Variants in NEURL1 observed in about 807,000 individuals in gnomAD.
NEURL1 encodes E3 ubiquitin-protein ligase NEURL1.
Under a neutral mutation model 41.2 loss-of-function variants are expected in NEURL1, and 26 were observed. The observed-to-expected ratio is 0.63, with a 90% CI of 0.46 to 0.87. The LOEUF (loss-of-function observed/expected upper bound fraction) is 0.87. NEURL1 is among the 40% of genes least tolerant of loss of function. The pLI is 0.00. For synonymous variants in NEURL1, 400 were observed against 402.3 expected, an observed-to-expected ratio of 0.99 and a Z score of 0.07; for missense variants, 761 against 871.1, an observed-to-expected ratio of 0.87 and a Z score of 1.59.
At chr10:103,516,182 T>C (rs916676634) in intron 1 of NEURL1, among the ~76,000 whole-genome samples, 6 of 134,790 alleles carry the variant, frequency 4.5e-5, no homozygotes, top group African/African-American at 1.7e-4. Flanking sequence ...GAGCTGAGAC[T>C]GCACGACTGC....
intron 1 of NEURL1, chr10:103,550,964 A>T (rs958093648): frequency 2.0e-5 from 3 of 152,258 alleles, no homozygotes; most frequent in African/African-American, 7.2e-5. Context: ...TAGCATTTAT[A>T]GCTTCTGCTA....
chr10:103,538,356 A>C (rs1220976842), intron 1 of NEURL1, among the ~76,000 whole-genome samples: 1 of 152,166 alleles, frequency 6.6e-6, no homozygotes, highest in Non-Finnish European at 1.5e-5. Context: ...GGATCACCTG[A>C]GGTCAGGAGT....
At chr10:103,537,318 C>A (rs1332380060) in intron 1 of NEURL1, among the ~76,000 whole-genome samples, 1 of 152,158 alleles carries the variant, frequency 6.6e-6, no homozygotes, top group African/African-American at 2.4e-5. Context: ...TATGGTAATT[C>A]TATTTTTAAT....
chr10:103,571,756 C>A lies in NEURL1; in HGVS notation c.583C>A (p.Arg195Ser), dbSNP rs144450414. Reference protein sequence around the residue: ...SAVMLFFSGVRTADPLWALVD... With the variant: ...SAVMLFFSGVSTADPLWALVD... ...TGTTATGCTGTTCTTCAGCGGGGTC[C>A]GCACGGCCGACCCGCTCTGGGCCCT... Residue 195 changes from arginine to serine, a missense_variant, in exon 3 of 6, where the codon CGC becomes AGC. Physicochemically the swap from Arg to Ser is moderately radical, Grantham distance 110. Coordinates refer to ENST00000369780, the MANE Select transcript of NEURL1 (RefSeq NM_004210.5). The A allele has an allele frequency of 1.2e-6, 2 of 1,614,092 alleles. No homozygotes were observed. Among genetic ancestry groups the A allele is most frequent in the African/African-American group, 2.7e-5 (2 of 75,068 alleles).
chr10:103,518,921 A>G (rs1026923831), intron 1 of NEURL1, among the ~76,000 whole-genome samples: 3 of 152,158 alleles, frequency 2.0e-5, no homozygotes, highest in Non-Finnish European at 4.4e-5. Context: ...ATATTTATTT[A>G]TTTTTAACAA....
At chr10:103,528,745 C>T (rs1046138442) in intron 1 of NEURL1, among the ~76,000 whole-genome samples, 3 of 152,084 alleles carry the variant, frequency 2.0e-5, no homozygotes, top group African/African-American at 7.2e-5. Context: ...GCATTCCAAC[C>T]AAACTAAATG....
At position 103,571,810 on chromosome 10, in the gene NEURL1, G is replaced by A. The variant is rs377333331; in HGVS notation, c.637G>A (p.Val213Ile). 65 of 1,602,794 alleles carry A rather than the reference G, an allele frequency of 4.1e-5. No homozygotes were observed. Among genetic ancestry groups the A allele is most frequent in the Non-Finnish European group, 5.1e-5 (60 of 1,174,474 alleles). The change falls in exon 3 of 6, where the codon GTC becomes ATC. Residue 213 changes from valine (V) to isoleucine (I), a missense_variant. Val to Ile is a conservative substitution (Grantham distance 29). Around this residue, in one of 5 missense-constraint regions of NEURL1, gnomAD observed 114 missense variants for 144.8 expected, o/e 0.79. Transcript: ENST00000369780. ...LVDVYGLTRG[V>I]QLLDSELVLP... ...GGACGTCTACGGCCTCACGCGGGGC[G>A]TCCAGCTGCTTGGTGAGTGCCTGCC...
At chr10:103,546,971 G>A (rs1171608666) in intron 1 of NEURL1, among the ~76,000 whole-genome samples, 1 of 152,194 alleles carries the variant, frequency 6.6e-6, no homozygotes, top group East Asian at 1.9e-4. Context: ...TGTAAGGAAG[G>A]GTAAGGTCAG....
intron 4 of NEURL1, chr10:103,588,942 G>GAAAAA: frequency 7.8e-5 from 25 of 319,048 alleles, no homozygotes; most frequent in Middle Eastern, 1.2e-3. Flanking sequence ...GACTCCGTCT[G>GAAAAA]AAAAAAAAAA....
At chr10:103,562,637 T>C (rs912454067) in intron 1 of NEURL1, among the ~76,000 whole-genome samples, 1 of 152,128 alleles carries the variant, frequency 6.6e-6, no homozygotes, top group Non-Finnish European at 1.5e-5. Context: ...GGCTTAATCT[T>C]GTGTAAGAAC....
intron 1 of NEURL1, among the ~76,000 whole-genome samples, chr10:103,533,424 G>C (rs1220935489): frequency 5.4e-5 from 8 of 148,826 alleles, no homozygotes. Flanking sequence ...GGCTGGAGTG[G>C]AATGGCGTGA....
At chr10:103,542,936 G>A (rs560483600) in intron 1 of NEURL1, among the ~76,000 whole-genome samples, 1 of 152,146 alleles carries the variant, frequency 6.6e-6, no homozygotes, top group African/African-American at 2.4e-5. Flanking sequence ...TTTCTCTTGA[G>A]CACAGCTTCC....
At chr10:103,533,293 T>C (rs2034612696) in intron 1 of NEURL1, among the ~76,000 whole-genome samples, 1 of 152,176 alleles carries the variant, frequency 6.6e-6, no homozygotes, top group South Asian at 2.1e-4. Flanking sequence ...CTCATAAGTC[T>C]TGTAATTTTT....
At chr10:103,515,227 C>CAAAAAAAA (rs57898870) in intron 1 of NEURL1, 1 of 98,958 alleles carries the variant, frequency 1.0e-5, no homozygotes, top group Non-Finnish European at 1.9e-5. Flanking sequence ...GACTCTGTCT[C>CAAAAAAAA]AAAAAAAAAA....
rs2034898551 is a variant in NEURL1 at position 103,545,049 on chromosome 10, G to A, written c.86-25823G>A. On this transcript the variant is annotated intron_variant, in intron 1 of 5. Coordinates refer to ENST00000369780, the MANE Select transcript of NEURL1 (RefSeq NM_004210.5). The surrounding 1 kb of genome is among the most constrained non-coding windows in gnomAD (Gnocchi z 4.5). ...GTAATCCCGAAGAGGGAGGTGTCGG[G>A]GGACAGGAGCCTGAGAGAAGTTACT... is the stretch of plus-strand genomic sequence containing the variant. 6.6e-6 allele frequency among the ~76,000 whole-genome samples: 1 copy of A among 152,244 alleles called. No individual in the cohort carries two copies. The highest frequency in any genetic ancestry group is 1.5e-5 in the Non-Finnish European group (1 of 68,044).
chr10:103,534,038 A>G (rs749810360), intron 1 of NEURL1, among the ~76,000 whole-genome samples: 3 of 151,982 alleles, frequency 2.0e-5, no homozygotes, highest in Non-Finnish European at 4.4e-5. Context: ...GAAGCTCTCT[A>G]TTGCATTTTT....
intron 1 of NEURL1, among the ~76,000 whole-genome samples, chr10:103,510,059 C>A (rs575083883): frequency 3.9e-5 from 6 of 152,164 alleles, no homozygotes; most frequent in Admixed American, 3.9e-4. Flanking sequence ...AGAGCTAGAA[C>A]CTCCTTCCTC....
Position 103,558,852 on chromosome 10 carries a change from G to C in NEURL1, c.86-12020G>C, listed in dbSNP as rs929605789. Reference sequence around the variant, plus strand: ...TTCAATGCTCCCTCAGGGCAAGGAAGGGACCCCTTGCTGACGGCTGATGTG... The same window carrying C: ...TTCAATGCTCCCTCAGGGCAAGGAACGGACCCCTTGCTGACGGCTGATGTG... On this transcript the variant is annotated intron_variant, in intron 1 of 5. Coordinates refer to ENST00000369780, the MANE Select transcript of NEURL1 (RefSeq NM_004210.5). The surrounding 1 kb of genome is among the most constrained non-coding windows in gnomAD (Gnocchi z 4.2). Among the ~76,000 whole-genome samples, 1 of 152,134 alleles carries C rather than the reference G, an allele frequency of 6.6e-6. No individual in the cohort carries two copies. The highest frequency in any genetic ancestry group is 1.9e-4 in the East Asian group (1 of 5,178).
chr10:103,574,384 G>GT (rs148177794), intron 3 of NEURL1, among the ~76,000 whole-genome samples: 36,093 of 152,178 alleles, frequency 0.24, 4,809 homozygotes, highest in African/African-American at 0.34. Context: ...CACAGGGAGT[G>GT]TTTTTTATCC....
Sources: gnomAD v4.1 joint callset for allele counts (sites outside exome capture counted in the v4.1 genomes callset) on GRCh38, gnomAD v4.1.1 for gene constraint, gnomAD v4.1.1 regional missense constraint, Gnocchi (gnomAD v3.1) non-coding constraint, MANE v1.5 for transcripts, NCBI Gene and HGNC (gene_info 2026-07-23, HGNC 2026-07-21) for gene names.